Variants in RYR2 observed in about 807,000 individuals in gnomAD.
RYR2 encodes the protein ryanodine receptor 2, also known as cardiac muscle ryanodine receptor-calcium release channel.
In RYR2, 227 loss-of-function variants were observed where a neutral mutation model predicts 601.1. That is an observed-to-expected ratio of 0.38 (90% CI 0.34 to 0.42). The LOEUF (loss-of-function observed/expected upper bound fraction) is 0.42. Among genes scored for constraint, RYR2 ranks in the 10% least tolerant of loss-of-function variants. The probability of loss-of-function intolerance (pLI) is 1.00; values close to 1 mark genes in which losing one functional copy is unlikely to be tolerated. For synonymous variants in RYR2, 2,223 were observed against 2,175.1 expected (o/e 1.02, Z -0.61); for missense variants, 4,646 against 6,156.5 (o/e 0.75, Z 8.21).
At chr1:237,394,576 C>T (rs1196716626) in intron 10 of RYR2, among the ~76,000 whole-genome samples, 1 of 152,186 alleles carries the variant, frequency 6.6e-6, no homozygotes, top group Non-Finnish European at 1.5e-5. Context: ...CAGAAATTCT[C>T]CTATGAAAAT....
Position 237,634,992 on chromosome 1 carries a change from G to C in RYR2, c.6792G>C (p.Lys2264Asn), listed in dbSNP as rs1680728738. ...CTCTGCGTGAGCCGGATCTAGAAAA[G>C]GTGAGCAATGTTCCTGCCCTGTGTG... ...ALALREPDLEKVVRYLAGCGL... is the reference protein window; with the variant it reads ...ALALREPDLENVVRYLAGCGL... Residue 2264 changes from lysine to asparagine, a missense_variant and splice_region_variant, in exon 44 of 105, where the codon AAG becomes AAC. Physicochemically the swap from Lys to Asn is moderately conservative, Grantham distance 94. Transcript: ENST00000366574. 12 of 1,580,588 alleles carry C rather than the reference G, an allele frequency of 7.6e-6. No homozygotes were observed. The highest frequency in any genetic ancestry group is 1.0e-5 in the Non-Finnish European group (12 of 1,160,618).
At chr1:237,415,537 T>A (rs1704889209) in intron 10 of RYR2, among the ~76,000 whole-genome samples, 1 of 152,160 alleles carries the variant, frequency 6.6e-6, no homozygotes. Context: ...TTGGACAAGC[T>A]TCTAGATTTC....
intron 1 of RYR2, among the ~76,000 whole-genome samples, chr1:237,207,067 C>T (rs1396641240): frequency 2.0e-5 from 3 of 151,708 alleles, no homozygotes; most frequent in African/African-American, 7.3e-5. Context: ...CCCGTAATCC[C>T]AGCACATTGG....
At chr1:237,401,346 A>T (rs560464579) in intron 10 of RYR2, among the ~76,000 whole-genome samples, 14 of 152,304 alleles carry the variant, frequency 9.2e-5, no homozygotes, top group Non-Finnish European at 1.6e-4. Context: ...CCTCTATCTC[A>T]GATACCAATC....
rs6669874 is a variant in RYR2, at chr1:237,247,802, T to C, written c.49-22695T>C. Among the ~76,000 whole-genome samples, 795 of 152,286 alleles carry C rather than the reference T, an allele frequency of 5.2e-3. 6 individuals carry two copies. Among genetic ancestry groups the C allele is most frequent in the African/African-American group, 0.017 (717 of 41,562 alleles). ...TAAGAGGGAGATCTGCTGCTGGCTC[T>C]GCTGGAAGAAAGTAGAGTCCAGGAT... On this transcript the variant is annotated intron_variant, in intron 1 of 104. Transcript: ENST00000366574.
At chr1:237,176,398 C>A (rs1461017690) in intron 1 of RYR2, among the ~76,000 whole-genome samples, 4 of 151,094 alleles carry the variant, frequency 2.6e-5, no homozygotes, top group African/African-American at 2.4e-5. Flanking sequence ...CAACTGACAG[C>A]ACTTCCTAAT....
At chr1:237,123,233 A>G (rs920854848) in intron 1 of RYR2, among the ~76,000 whole-genome samples, 1 of 152,144 alleles carries the variant, frequency 6.6e-6, no homozygotes, top group Non-Finnish European at 1.5e-5. Context: ...AACAATACTT[A>G]CCCTAAGATG....
Position 237,465,656 on chromosome 1 carries a change from G to A in RYR2, c.1613-3436G>A, listed in dbSNP as rs376418323. Among the ~76,000 whole-genome samples, 3 of 152,224 alleles carry A rather than the reference G, an allele frequency of 2.0e-5. No homozygotes were observed. In the East Asian group the frequency reaches 5.8e-4, roughly 29 times the overall value. On this transcript the variant is annotated intron_variant, in intron 16 of 104. Transcript: ENST00000366574. ...ACGGGATGGCCTACTGCATGGCTAT[G>A]CTATACGGGATGGCCTACTGCGCGG...
intron 6 of RYR2, among the ~76,000 whole-genome samples, chr1:237,373,840 G>C (rs1700824857): frequency 6.6e-6 from 1 of 152,174 alleles, no homozygotes; most frequent in South Asian, 2.1e-4. Context: ...ATTTCAAAGA[G>C]TTAAACATTT....
intron 29 of RYR2, among the ~76,000 whole-genome samples, chr1:237,588,303 C>T (rs1572989458): frequency 6.6e-6 from 1 of 152,184 alleles, no homozygotes; most frequent in South Asian, 2.1e-4. Context: ...TAATTTTTAT[C>T]ATCTTATGCT....
At chr1:237,812,241 A>G (rs1422110491) in intron 100 of RYR2, among the ~76,000 whole-genome samples, 1 of 152,176 alleles carries the variant, frequency 6.6e-6, no homozygotes, top group Non-Finnish European at 1.5e-5. Context: ...CCTCACAGAT[A>G]GTAACTTCAT....
chr1:237,216,094 T>C (rs904940283), intron 1 of RYR2, among the ~76,000 whole-genome samples: 6 of 152,210 alleles, frequency 3.9e-5, no homozygotes, highest in Non-Finnish European at 4.4e-5. Flanking sequence ...TAGCATCCTC[T>C]ATATAACTCC....
chr1:237,728,897 C>T (rs968823903), intron 76 of RYR2, among the ~76,000 whole-genome samples: 1 of 151,918 alleles, frequency 6.6e-6, no homozygotes, highest in South Asian at 2.1e-4. Flanking sequence ...ACATGTATAC[C>T]TATGTAACAA....
At chr1:237,752,892 T>C (rs1692651602) in intron 80 of RYR2, among the ~76,000 whole-genome samples, 1 of 152,228 alleles carries the variant, frequency 6.6e-6, no homozygotes, top group South Asian at 2.1e-4. Context: ...TCCTGGATAT[T>C]TCTATTCTCT....
At chr1:237,427,026 A>C (rs1311512051) in intron 12 of RYR2, among the ~76,000 whole-genome samples, 2 of 152,240 alleles carry the variant, frequency 1.3e-5, no homozygotes, top group Non-Finnish European at 2.9e-5. Flanking sequence ...TGAAAACTCA[A>C]GTAATGGAAG....
rs1396976680 is a variant in RYR2 at position 237,374,791 on chromosome 1, C to T, written c.459C>T (p.Thr153=). 6.8e-6 allele frequency: 11 copies of T among 1,610,900 alleles called. No homozygotes were observed. In the African/African-American group the frequency reaches 1.5e-4, roughly 22 times the overall value. The change falls in exon 7 of 105, where the codon ACC becomes ACT. Residue 153 remains threonine, a synonymous_variant. Transcript: ENST00000366574. ...LAFDVGLQED[T]TGEACWWTIH... is the part of the protein sequence containing the mutation. ...TTGATGTTGGCTTGCAAGAGGACAC[C>T]ACAGGTAAGCATCTTGTGCTGCGGG...
chr1:237,655,763 C>A, intron 52 of RYR2, 58 bp from the exon 53 acceptor site: 1 of 1,485,758 alleles, frequency 6.7e-7, no homozygotes, highest in Non-Finnish European at 9.1e-7. Flanking sequence ...CCCTGATGAT[C>A]ATGCTGACAA....
intron 6 of RYR2, among the ~76,000 whole-genome samples, chr1:237,370,129 A>G (rs1048377648): frequency 1.6e-4 from 25 of 151,902 alleles, no homozygotes; most frequent in African/African-American, 6.0e-4. Context: ...TCATGTATAT[A>G]TGCACATATA....
rs146850785 is a variant in RYR2, at chr1:237,206,961, C to T, written c.49-63536C>T. Among the ~76,000 whole-genome samples the T allele has an allele frequency of 7.7e-3, 1,178 of 152,112 alleles. 11 individuals are homozygous for T. Among genetic ancestry groups the T allele is most frequent in the Non-Finnish European group, 0.011 (726 of 67,996 alleles). On this transcript the variant is annotated intron_variant, in intron 1 of 104. Coordinates refer to ENST00000366574, the MANE Select transcript of RYR2 (RefSeq NM_001035.3). ...AACTGTCCTTTCAAAATATTCATAA[C>T]GGGCTATAGAACAAAATCTATTTAT...
Sources: allele counts gnomAD v4.1 joint callset (sites outside exome capture counted in the v4.1 genomes callset), GRCh38; gene constraint gnomAD v4.1.1; transcripts MANE v1.5; gene names NCBI Gene and HGNC (gene_info 2026-07-23, HGNC 2026-07-21).